Variants in ASB5 observed in about 807,000 individuals in gnomAD.
ASB5 encodes ankyrin repeat and SOCS box containing 5, also known as ankyrin repeat and SOCS box protein 5.
Under a neutral mutation model 42.1 loss-of-function variants are expected in ASB5, and 45 were observed. The ratio of observed to expected loss-of-function variants is 1.07; its 90% CI spans 0.84 to 1.37. The LOEUF (loss-of-function observed/expected upper bound fraction) is 1.37. ASB5 is among the 40% of genes most tolerant of loss of function. The pLI, the probability that ASB5 is intolerant of heterozygous loss-of-function variation, is 0.00. For synonymous variants in ASB5, 147 were observed against 150.6 expected (o/e 0.98, Z 0.18); for missense variants, 402 against 399.8 (o/e 1.01, Z -0.05).
At chr4:176,218,104 C>A (rs1753024793) in intron 5 of ASB5, among the ~76,000 whole-genome samples, 3 of 145,860 alleles carry the variant, frequency 2.1e-5, no homozygotes, top group South Asian at 2.1e-4. Context: ...AATCAATCAA[C>A]AATTACTAAC....
chr4:176,262,000 C>T (rs1433360664), intron 1 of ASB5, among the ~76,000 whole-genome samples: 4 of 151,510 alleles, frequency 2.6e-5, no homozygotes, highest in African/African-American at 9.7e-5. Context: ...GCATGTAGTA[C>T]ACAACATTGT....
chr4:176,271,024 G>A (rs549102094), upstream of ASB5, among the ~76,000 whole-genome samples: 241 of 152,152 alleles, frequency 1.6e-3, no homozygotes, highest in Non-Finnish European at 3.1e-3. Context: ...TGGATTCTTT[G>A]GGGTTAAGAA....
chr4:176,265,291 G>A (rs542280086), intron 1 of ASB5, among the ~76,000 whole-genome samples: 218 of 152,154 alleles, frequency 1.4e-3, no homozygotes, highest in African/African-American at 5.1e-3. Context: ...GCTCATTCCT[G>A]GAGTCACCTC....
chr4:176,266,273 A>T (rs770949498), intron 1 of ASB5, among the ~76,000 whole-genome samples: 1 of 152,210 alleles, frequency 6.6e-6, no homozygotes, highest in Non-Finnish European at 1.5e-5. Flanking sequence ...AATACACGCC[A>T]TCTCTTATTT....
intron 1 of ASB5, among the ~76,000 whole-genome samples, chr4:176,259,100 G>C (rs2126974974): frequency 6.6e-6 from 1 of 152,196 alleles, no homozygotes; most frequent in East Asian, 1.9e-4. Context: ...GTGGGAGAGA[G>C]AGAGAAGGAG....
At chr4:176,247,758 AC>A (rs1310991577) in intron 1 of ASB5, among the ~76,000 whole-genome samples, 1 of 152,240 alleles carries the variant, frequency 6.6e-6, no homozygotes, top group Non-Finnish European at 1.5e-5. Context: ...GATGAATTCC[AC>A]AAAAAGTCTT....
chr4:176,249,846 A>C (rs957914343), intron 1 of ASB5, among the ~76,000 whole-genome samples: 1 of 151,988 alleles, frequency 6.6e-6, no homozygotes, highest in African/African-American at 2.4e-5. Context: ...CGGGTGGATC[A>C]CGAGGTCAGG....
intron 5 of ASB5, among the ~76,000 whole-genome samples, chr4:176,218,047 T>C (rs986506245): frequency 1.3e-5 from 2 of 150,352 alleles, no homozygotes; most frequent in African/African-American, 4.9e-5. Context: ...AAGCATAAAC[T>C]TTGTTGGTTA....
chr4:176,228,745 A>G (rs1322706868), intron 1 of ASB5, among the ~76,000 whole-genome samples: 2 of 152,204 alleles, frequency 1.3e-5, no homozygotes, highest in African/African-American at 4.8e-5. Context: ...CTTATAGGAA[A>G]TTGGAACATT....
intron 1 of ASB5, among the ~76,000 whole-genome samples, chr4:176,244,012 A>G (rs1172538321): frequency 6.6e-6 from 1 of 152,138 alleles, no homozygotes; most frequent in Non-Finnish European, 1.5e-5. Context: ...AAAACCATTC[A>G]ATTTATAGCT....
intron 1 of ASB5, among the ~76,000 whole-genome samples, chr4:176,249,164 G>A (rs185711087): frequency 1.3e-5 from 2 of 152,140 alleles, no homozygotes; most frequent in Admixed American, 6.5e-5. Context: ...ACAGGGTTTC[G>A]CCATCTTGGC....
intron 2 of ASB5, among the ~76,000 whole-genome samples, chr4:176,275,287 T>C (rs1219045745): frequency 6.6e-6 from 1 of 152,082 alleles, no homozygotes; most frequent in African/African-American, 2.4e-5. Flanking sequence ...AGGTAAAATA[T>C]ATGATTTACC....
Position 176,217,002 on chromosome 4 carries a change from G to A in ASB5, c.678C>T (p.Asp226=), listed in dbSNP as rs200386798. ...TATCCCAATATTTGCCTTTCTGTAC[G>A]TCAGCACCTACATGTAATACGGAGT... ...CIWKLLYAGA[D]VQKGKYWDTP... The change falls in exon 6 of 7, where the codon GAC becomes GAT. Residue 226 remains aspartate, a synonymous_variant. Transcript: ENST00000296525. 2.9e-5 allele frequency: 47 copies of A among 1,602,896 alleles called. No individual in the cohort carries two copies. The highest frequency in any genetic ancestry group is 6.9e-5 in the Admixed American group (4 of 57,604).
In ASB5 at chr4:176,241,448, A is replaced by C. The variant is rs773924200; in HGVS notation, c.197-16107T>G. 9.8e-6 allele frequency: 15 copies of C among 1,525,652 alleles called. No homozygotes were observed. The African/African-American group carries it at 2.1e-4, about 21-fold the overall frequency. The allele number at this position is 1,525,652 out of a possible 1,614,324, so 94.5% of individuals were successfully genotyped here. ...CTTAAATCATCACAGAGAAATCCTAAGGTTTTCTTTTACCTGTTACTGCCA... is the reference window on the plus strand; with the variant it reads ...CTTAAATCATCACAGAGAAATCCTACGGTTTTCTTTTACCTGTTACTGCCA... On this transcript the variant is annotated intron_variant, in intron 1 of 6. Coordinates refer to ENST00000296525, the MANE Select transcript of ASB5 (RefSeq NM_080874.4).
intron 5 of ASB5, among the ~76,000 whole-genome samples, chr4:176,217,887 G>A (rs911956551): frequency 2.0e-5 from 3 of 151,866 alleles, no homozygotes; most frequent in Non-Finnish European, 4.4e-5. Context: ...AACTAATGAT[G>A]TCTTCATGAA....
At chr4:176,242,005 A>G (rs954336719) in intron 1 of ASB5, among the ~76,000 whole-genome samples, 3 of 152,182 alleles carry the variant, frequency 2.0e-5, no homozygotes, top group African/African-American at 7.2e-5. Flanking sequence ...GAAGGGTCAA[A>G]GGGGAAGATC....
intron 2 of ASB5, among the ~76,000 whole-genome samples, chr4:176,224,221 A>ATTT (rs869080360): frequency 0.014 from 1,185 of 87,216 alleles, 182 homozygotes; most frequent in South Asian, 0.017. Context: ...TGTGCATTTG[A>ATTT]TTTTTTTTTT....
chr4:176,274,909 ATTTTTTT>A (rs35690692), intron 2 of ASB5, among the ~76,000 whole-genome samples: 3 of 106,302 alleles, frequency 2.8e-5, no homozygotes, highest in African/African-American at 7.3e-5. Flanking sequence ...CAGCATAGCA[ATTTTTTT>A]TTTTTTTTTT....
At chr4:176,273,038 C>T (rs1754499963), upstream of ASB5, among the ~76,000 whole-genome samples, 1 of 151,096 alleles carries the variant, frequency 6.6e-6, no homozygotes, top group African/African-American at 2.4e-5. Flanking sequence ...CAGCCTCGAC[C>T]TCCCAGGCTC....
Sources: allele counts gnomAD v4.1 joint callset (sites outside exome capture counted in the v4.1 genomes callset), GRCh38; gene constraint gnomAD v4.1.1; transcripts MANE v1.5; gene names NCBI Gene and HGNC (gene_info 2026-07-23, HGNC 2026-07-21).